The following FNIP2 variants were observed in gnomAD, a reference collection of about 807,000 sequenced individuals.
FNIP2 encodes the protein folliculin-interacting protein 2.
FNIP2 carries 32 observed loss-of-function variants against 108.7 expected under a neutral mutation model. That is an observed-to-expected ratio of 0.29 (90% confidence interval 0.22 to 0.40). FNIP2 has a LOEUF of 0.40. Ranked by LOEUF, FNIP2 falls within the 10% of genes least tolerant of loss-of-function variation. The pLI is 1.00. For synonymous variants in FNIP2, 480 were observed against 496.7 expected, an observed-to-expected ratio of 0.97 and a Z score of 0.45; for missense variants, 1,202 against 1,381.6, an observed-to-expected ratio of 0.87 and a Z score of 2.06.
At chr4:158,885,960 A>G (rs1021101899) in intron 14 of FNIP2, among the ~76,000 whole-genome samples, 8 of 152,234 alleles carry the variant, frequency 5.3e-5, no homozygotes, top group Non-Finnish European at 7.3e-5. Context: ...GTGTATATGA[A>G]TCAAGGCAGC....
At chr4:158,825,053 C>T (rs759285722) in intron 1 of FNIP2, among the ~76,000 whole-genome samples, 9 of 152,182 alleles carry the variant, frequency 5.9e-5, no homozygotes, top group Admixed American at 3.3e-4. Context: ...TCATGAACTC[C>T]ATAAGGGTGG....
At chr4:158,897,215 C>T (rs1279931929) in intron 16 of FNIP2, among the ~76,000 whole-genome samples, 1 of 152,160 alleles carries the variant, frequency 6.6e-6, no homozygotes, top group Non-Finnish European at 1.5e-5. Context: ...TGTATATGTG[C>T]CACATTTTCT....
intron 1 of FNIP2, among the ~76,000 whole-genome samples, chr4:158,814,836 A>G (rs1459764301): frequency 6.6e-6 from 1 of 152,210 alleles, no homozygotes; most frequent in East Asian, 1.9e-4. Flanking sequence ...GTTTCCCTGT[A>G]GGAGTTCACC....
At chr4:158,870,115 GT>G (rs200235335) in intron 13 of FNIP2, among the ~76,000 whole-genome samples, 197 bp from the exon 14 acceptor site, 1 of 151,532 alleles carries the variant, frequency 6.6e-6, no homozygotes, top group African/African-American at 2.4e-5. Context: ...GCCATGGATA[GT>G]TTTTTTTTCT....
At chr4:158,857,312 C>G (rs1376212381) in intron 8 of FNIP2, among the ~76,000 whole-genome samples, 1 of 152,184 alleles carries the variant, frequency 6.6e-6, no homozygotes. Flanking sequence ...ATTTCCTATA[C>G]AGAACAGAAA....
At chr4:158,817,738 G>C (rs565789624) in intron 1 of FNIP2, among the ~76,000 whole-genome samples, 3 of 152,248 alleles carry the variant, frequency 2.0e-5, no homozygotes, top group Non-Finnish European at 4.4e-5. Flanking sequence ...AGTAGAGATG[G>C]GGTTTCACCA....
intron 10 of FNIP2, among the ~76,000 whole-genome samples, chr4:158,860,285 T>G (rs575488265): frequency 6.6e-6 from 1 of 152,310 alleles, no homozygotes; most frequent in East Asian, 1.9e-4. Context: ...CATGAGCGAA[T>G]GAGTCAAACT....
chr4:158,770,237 T>G (rs1469956118), intron 1 of FNIP2, among the ~76,000 whole-genome samples: 2 of 152,178 alleles, frequency 1.3e-5, no homozygotes, highest in Non-Finnish European at 2.9e-5. Flanking sequence ...GGGCTAACTT[T>G]TAAAAGACGC....
chr4:158,772,833 T>A (rs1775739875), intron 1 of FNIP2, among the ~76,000 whole-genome samples: 1 of 152,208 alleles, frequency 6.6e-6, no homozygotes, highest in South Asian at 2.1e-4. Flanking sequence ...GACAACAGAT[T>A]ATACACTAAG....
chr4:158,852,942 A>G (rs1252828883), intron 8 of FNIP2, among the ~76,000 whole-genome samples: 3 of 152,334 alleles, frequency 2.0e-5, no homozygotes, highest in Admixed American at 6.5e-5. Flanking sequence ...TACCTAGTTT[A>G]TGGGCCAGTG....
rs917018791 is a variant in FNIP2, at chr4:158,891,642, A to C, written c.3146A>C (p.Asp1049Ala). Residue 1049 changes from aspartate (D) to alanine (A), a missense_variant, in exon 15 of 17, where the codon GAT becomes GCT. By Grantham distance (126) the Asp-to-Ala change is moderately radical. This residue lies in a region of FNIP2 where 142 missense variants were observed against 183.8 expected (regional missense o/e 0.77). Transcript: ENST00000264433. Reference protein sequence around the residue: ...LQLYKLHLPADFCIMHLEDRL... With the variant: ...LQLYKLHLPAAFCIMHLEDRL... ...CTCTATAAGCTTCACCTCCCTGCTG[A>C]TTTTGTAAGTACTGGTTCTTATATC... The C allele has an allele frequency of 1.2e-6, 2 of 1,610,638 alleles. No homozygotes were observed. The highest frequency in any genetic ancestry group is 1.7e-6 in the Non-Finnish European group (2 of 1,178,362).
intron 3 of FNIP2, among the ~76,000 whole-genome samples, chr4:158,829,712 G>T (rs911485846): frequency 1.8e-5 from 2 of 111,294 alleles, no homozygotes; most frequent in Admixed American, 1.7e-4. Context: ...TGTGTGTGGG[G>T]TGTGTGTGTG....
intron 1 of FNIP2, among the ~76,000 whole-genome samples, chr4:158,814,227 G>A (rs1389974337): frequency 6.6e-6 from 1 of 152,172 alleles, no homozygotes; most frequent in Non-Finnish European, 1.5e-5. Context: ...GTTTGCTACT[G>A]GTATCAAGGT....
At chr4:158,858,149 T>C (rs1487115834) in intron 8 of FNIP2, among the ~76,000 whole-genome samples, 1 of 152,160 alleles carries the variant, frequency 6.6e-6, no homozygotes, top group East Asian at 1.9e-4. Flanking sequence ...TAATTTATAG[T>C]AAAGAAAATG....
Position 158,868,818 on chromosome 4 carries a change from G to A in FNIP2, c.2182G>A (p.Glu728Lys). 1.2e-6 allele frequency: 2 copies of A among 1,613,752 alleles called. No homozygotes were observed. The highest frequency in any genetic ancestry group is 1.7e-6 in the Non-Finnish European group (2 of 1,179,894). The change falls in exon 13 of 17, where the codon GAG becomes AAG. Residue 728 changes from glutamate to lysine, a missense_variant. Transcript: ENST00000264433. The surrounding 1 kb of genome is among the most constrained non-coding windows in gnomAD (Gnocchi z 4.6). ...CCAGATTGGAAGCTTTGCATCTCCAGAGTCTGACTTTGAAAGCCGCATGAA... is the reference window on the plus strand; with the variant it reads ...CCAGATTGGAAGCTTTGCATCTCCAAAGTCTGACTTTGAAAGCCGCATGAA... ...TFQIGSFASP[E>K]SDFESRMKKM...
In FNIP2 at chr4:158,869,067, G is replaced by A; in HGVS notation, c.2431G>A (p.Gly811Arg). 1.9e-6 allele frequency: 3 copies of A among 1,613,996 alleles called. No individual in the cohort carries two copies. Among genetic ancestry groups the A allele is most frequent in the East Asian group, 2.2e-5 (1 of 44,890 alleles). Reference sequence around the variant, plus strand: ...AAACGACATGGCAGCAGATATTGCTGGGCAGCTCAGCCACGCTGCTGACTT... The same window carrying A: ...AAACGACATGGCAGCAGATATTGCTAGGCAGCTCAGCCACGCTGCTGACTT... ...SRNDMAADIA[G>R]QLSHAADLGT... is the part of the protein sequence containing the mutation. Residue 811 changes from glycine (G) to arginine (R), a missense_variant, in exon 13 of 17, where the codon GGG becomes AGG. By Grantham distance (125) the Gly-to-Arg change is moderately radical. Coordinates refer to ENST00000264433, the MANE Select transcript of FNIP2 (RefSeq NM_020840.3).
At chr4:158,852,129 A>G (rs1779736487) in intron 8 of FNIP2, among the ~76,000 whole-genome samples, 1 of 152,260 alleles carries the variant, frequency 6.6e-6, no homozygotes, top group Non-Finnish European at 1.5e-5. Flanking sequence ...GGTATAAGAC[A>G]GTTCAGCTAT....
chr4:158,788,902 T>C (rs1248306598), intron 1 of FNIP2, among the ~76,000 whole-genome samples: 1 of 152,236 alleles, frequency 6.6e-6, no homozygotes, highest in Non-Finnish European at 1.5e-5. Flanking sequence ...TTACCTTCCA[T>C]GCTTCATCTT....
intron 15 of FNIP2, chr4:158,893,264 C>T (rs1183969649): frequency 6.3e-6 from 1 of 158,216 alleles, no homozygotes; most frequent in African/African-American, 2.4e-5. Context: ...TATATGTTAG[C>T]TTTAGAGCCC....
Sources: gnomAD v4.1 joint callset for allele counts (sites outside exome capture counted in the v4.1 genomes callset) on GRCh38, gnomAD v4.1.1 for gene constraint, gnomAD v4.1.1 regional missense constraint, Gnocchi (gnomAD v3.1) non-coding constraint, MANE v1.5 for transcripts, NCBI Gene and HGNC (gene_info 2026-07-23, HGNC 2026-07-21) for gene names.